The following MMAB variants were observed in gnomAD, a reference collection of about 807,000 sequenced individuals.
MMAB encodes metabolism of cobalamin associated B.
In MMAB, 17 loss-of-function variants were observed where a neutral mutation model predicts 30.6. The ratio of observed to expected loss-of-function variants is 0.56; its 90% CI spans 0.38 to 0.83. The LOEUF (loss-of-function observed/expected upper bound fraction) is 0.83, where lower values mean the gene tolerates loss of function less well. Among genes scored for constraint, MMAB ranks in the 40% least tolerant of loss-of-function variants. The probability of loss-of-function intolerance (pLI) is 0.00; values close to 1 mark genes in which losing one functional copy is unlikely to be tolerated. For synonymous variants in MMAB, 134 were observed against 138.6 expected (o/e 0.97, Z 0.23); for missense variants, 311 against 331.6 (o/e 0.94, Z 0.48).
In MMAB at chr12:109,571,519, C is replaced by T. The variant is rs569278270; in HGVS notation, c.196+130G>A. 2,829 of 821,086 alleles carry T rather than the reference C, an allele frequency of 3.4e-3. 10 individuals are homozygous for T. Among genetic ancestry groups the T allele is most frequent in the Non-Finnish European group, 5.0e-3 (2,453 of 491,004 alleles). 50.9% of individuals were successfully genotyped at this position (821,086 alleles called of 1,614,324 possible). Reference sequence around the variant, plus strand: ...AGCCCAACAGGGCCTCCCAAAGTGCCGGGATTACAGGCATGAGCCACCGCG... The same window carrying T: ...AGCCCAACAGGGCCTCCCAAAGTGCTGGGATTACAGGCATGAGCCACCGCG... On this transcript the variant is annotated intron_variant, in intron 2 of 8. Transcript: ENST00000545712.
Position 109,555,153 on chromosome 12 carries a change from T to TTATATA in MMAB, c.*1869_*1874dup, listed in dbSNP as rs10623308. On this transcript the variant is annotated 3_prime_UTR_variant, in exon 9 of 9. Transcript: ENST00000545712. ...AGGCATGCAGGGCTGCTGTGTTATTTTATATATATATATATATTCCAGGAA... is the reference window on the plus strand; with the variant it reads ...AGGCATGCAGGGCTGCTGTGTTATTTTATATATATATATATATATATATTCCAGGAA... 1.1e-5 allele frequency: 5 copies of TTATATA among 442,268 alleles called. No individual in the cohort carries two copies. The highest frequency in any genetic ancestry group is 7.1e-5 in the East Asian group (1 of 14,184). 27.4% of individuals were successfully genotyped at this position (442,268 alleles called of 1,614,324 possible).
chr12:109,554,854 T>C lies in MMAB; in HGVS notation c.*2174A>G. The C allele has an allele frequency of 2.2e-6, 1 of 453,948 alleles. No homozygotes were observed. The highest frequency in any genetic ancestry group is 1.6e-5 in the South Asian group (1 of 64,470). The allele number at this position is 453,948 out of a possible 1,614,324, so 28.1% of individuals were successfully genotyped here. ...GCAAGCTTTCTCCATTTTTCCCAGG[T>C]TGGTAGCACAGGAGAGAAACACCTG... On this transcript the variant is annotated 3_prime_UTR_variant, in exon 9 of 9. Transcript: ENST00000545712.
intron 8 of MMAB, among the ~76,000 whole-genome samples, chr12:109,557,760 TAGTAATGCCTC>T (rs1223165116): frequency 2.0e-5 from 3 of 152,192 alleles, no homozygotes; most frequent in African/African-American, 7.2e-5. Context: ...GTGTGACAAC[TAGTAATGCCTC>T]CAAACATCGC....
At position 109,556,716 on chromosome 12, in the gene MMAB, A is replaced by G. The variant is rs1384402056; in HGVS notation, c.*312T>C. 1 of 495,922 alleles carries G rather than the reference A, an allele frequency of 2.0e-6. No individual in the cohort carries two copies. 30.7% of individuals were successfully genotyped at this position (495,922 alleles called of 1,614,324 possible). On this transcript the variant is annotated 3_prime_UTR_variant, in exon 9 of 9. Transcript: ENST00000545712. Reference sequence around the variant, plus strand: ...CACGGCTCCAGCCTTTCCAACTTTTATTCCTTTTCCGCACAGCTCCTTCTC... The same window carrying G: ...CACGGCTCCAGCCTTTCCAACTTTTGTTCCTTTTCCGCACAGCTCCTTCTC...
At position 109,556,648 on chromosome 12, in the gene MMAB, TCACACACACACACACACACACA is replaced by T. The variant is rs67024670; in HGVS notation, c.*358_*379del. The T allele has an allele frequency of 1.5e-5, 5 of 328,308 alleles. No individual in the cohort carries two copies. Among genetic ancestry groups the T allele is most frequent in the Admixed American group, 3.1e-5 (1 of 32,092 alleles). 20.3% of individuals were successfully genotyped at this position (328,308 alleles called of 1,614,324 possible). Reference sequence around the variant, plus strand: ...GAGCTGGCAGTGGGAGGGCTCTCTCTCACACACACACACACACACACACACACACACACACACACACACACGG... The same window carrying T: ...GAGCTGGCAGTGGGAGGGCTCTCTCTCACACACACACACACACACACACGG... On this transcript the variant is annotated 3_prime_UTR_variant, in exon 9 of 9. Transcript: ENST00000545712.
intron 7 of MMAB, 68 bp downstream of exon 7, chr12:109,560,972 T>TTCC: frequency 1.1e-5 from 5 of 464,384 alleles, no homozygotes; most frequent in African/African-American, 2.5e-5. Flanking sequence ...CCTCTCCCTC[T>TTCC]CCCTCCCCCC....
At chr12:109,568,033 G>C (rs1884496710) in intron 3 of MMAB, 1 of 152,304 alleles carries the variant, frequency 6.6e-6, no homozygotes, top group South Asian at 2.1e-4. Context: ...CATCATGGTG[G>C]GGTAGTGGGA....
Position 109,555,561 on chromosome 12 carries a change from G to A in MMAB, c.*1467C>T, listed in dbSNP as rs1061440. ...TGCCTGCCTCGGCCTCCCAAAGTCC[G>A]TTTTCAGCTCTGTTTTGCAAACACT... On this transcript the variant is annotated 3_prime_UTR_variant, in exon 9 of 9. Coordinates refer to ENST00000545712, the MANE Select transcript of MMAB (RefSeq NM_052845.4). 24,792 of 447,088 alleles carry A rather than the reference G, an allele frequency of 0.055. 2,620 individuals carry two copies. Among genetic ancestry groups the A allele is most frequent in the African/African-American group, 0.3 (14,629 of 48,704 alleles). The allele number at this position is 447,088 out of a possible 1,614,324, so 27.7% of individuals were successfully genotyped here.
Position 109,561,068 on chromosome 12 carries a change from G to T in MMAB, c.556C>A (p.Arg186=). ...CTCTCGGCCCGGCGGCACACGGCCCGGCAGAAATGCAGCGCCGAGCTGATC... is the reference window on the plus strand; with the variant it reads ...CTCTCGGCCCGGCGGCACACGGCCCTGCAGAAATGCAGCGCCGAGCTGATC... ...GKISSALHFC[R]AVCRRAERRV... The change falls in exon 7 of 9, where the codon CGG becomes AGG. Residue 186 remains arginine (R), a synonymous_variant. Transcript: ENST00000545712. The surrounding 1 kb of genome is among the most constrained non-coding windows in gnomAD (Gnocchi z 5.3). The T allele has an allele frequency of 6.6e-7, 1 of 1,525,840 alleles. No homozygotes were observed. The allele number at this position is 1,525,840 out of a possible 1,614,324, so 94.5% of individuals were successfully genotyped here. A position where few individuals can be genotyped will look rare whatever the true frequency, so the allele number is the denominator to read the frequency against.
intron 3 of MMAB, 80 bp downstream of exon 3, chr12:109,568,690 A>G (rs1178633775): frequency 1.8e-6 from 2 of 1,104,686 alleles, no homozygotes; most frequent in East Asian, 4.7e-5. Flanking sequence ...GCTGCCCAGC[A>G]TGCGTGAGAG....
intron 3 of MMAB, chr12:109,567,126 C>T (rs1489153629): frequency 2.2e-6 from 1 of 447,420 alleles, no homozygotes; most frequent in East Asian, 7.1e-5. Flanking sequence ...GCCGAGATCA[C>T]ACCATTGCAC....
intron 3 of MMAB, chr12:109,568,414 C>A (rs1396787423): frequency 5.8e-6 from 2 of 345,880 alleles, no homozygotes. Context: ...AAACAACAGT[C>A]ACAAAAGGGA....
rs1592995279 is a variant in MMAB, at chr12:109,558,128, C to T, written c.644+968G>A. Among the ~76,000 whole-genome samples the T allele has an allele frequency of 6.6e-6, 1 of 152,176 alleles. No individual in the cohort carries two copies. Among genetic ancestry groups the T allele is most frequent in the Non-Finnish European group, 1.5e-5 (1 of 68,028 alleles). ...GGCCCCCTGGGCCCCACGGCTGGCTCTCAGGAAGAGCGAAGGGGAGGTTGT... is the reference window on the plus strand; with the variant it reads ...GGCCCCCTGGGCCCCACGGCTGGCTTTCAGGAAGAGCGAAGGGGAGGTTGT... On this transcript the variant is annotated intron_variant, in intron 8 of 8. Transcript: ENST00000545712. This position sits in a 1 kb window ranked among gnomAD's most constrained non-coding sequence, Gnocchi z 4.3.
rs558903675 is a variant in MMAB, at chr12:109,569,720, G to A, written c.197-857C>T. ...CCGGCCTGGCACTCACAGGTAGACT[G>A]TGGTGTTCTGCTGAACACAAACCAT... On this transcript the variant is annotated intron_variant, in intron 2 of 8. Transcript: ENST00000545712. This position sits in a 1 kb window ranked among gnomAD's most constrained non-coding sequence, Gnocchi z 4.1. 2.1e-4 allele frequency among the ~76,000 whole-genome samples: 32 copies of A among 152,304 alleles called. No individual in the cohort carries two copies. The highest frequency in any genetic ancestry group is 5.2e-4 in the Admixed American group (8 of 15,296).
intron 2 of MMAB, chr12:109,570,110 A>G: frequency 3.0e-6 from 1 of 331,332 alleles, no homozygotes; most frequent in Non-Finnish European, 6.1e-6. Flanking sequence ...AAAAACAGAA[A>G]AAATTAGTTG....
In MMAB at chr12:109,555,153, T is replaced by A. The variant is rs1252147207; in HGVS notation, c.*1875A>T. 7 of 442,272 alleles carry A rather than the reference T, an allele frequency of 1.6e-5. No individual in the cohort carries two copies. The highest frequency in any genetic ancestry group is 4.8e-5 in the Admixed American group (2 of 41,736). 27.4% of individuals were successfully genotyped at this position (442,272 alleles called of 1,614,324 possible). A position where few individuals can be genotyped will look rare whatever the true frequency, so the allele number is the denominator to read the frequency against. On this transcript the variant is annotated 3_prime_UTR_variant, in exon 9 of 9. Transcript: ENST00000545712. Reference sequence around the variant, plus strand: ...AGGCATGCAGGGCTGCTGTGTTATTTTATATATATATATATATTCCAGGAA... The same window carrying A: ...AGGCATGCAGGGCTGCTGTGTTATTATATATATATATATATATTCCAGGAA...
chr12:109,561,637 A>G lies in MMAB; in HGVS notation c.422-120T>C. 3 of 1,215,792 alleles carry G rather than the reference A, an allele frequency of 2.5e-6. No individual in the cohort carries two copies. Among genetic ancestry groups the G allele is most frequent in the Non-Finnish European group, 2.4e-6 (2 of 849,576 alleles). The allele number at this position is 1,215,792 out of a possible 1,614,324, so 75.3% of individuals were successfully genotyped here. On this transcript the variant is annotated intron_variant, in intron 5 of 8. Transcript: ENST00000545712. The surrounding 1 kb of genome is among the most constrained non-coding windows in gnomAD (Gnocchi z 5.3). ...CGCAGACTGCTTCCACTGGCTCAGA[A>G]GGTACCTTCCCTCCCAGGAGCTACG...
In MMAB at chr12:109,558,398, C is replaced by T. The variant is rs932498020; in HGVS notation, c.644+698G>A. Among the ~76,000 whole-genome samples, 2 of 152,142 alleles carry T rather than the reference C, an allele frequency of 1.3e-5. No homozygotes were observed. Among genetic ancestry groups the T allele is most frequent in the African/African-American group, 2.4e-5 (1 of 41,440 alleles). ...GCCATGTCTCTGGGAGGAGTGGCCACAGTCAAGGGCCTGAGGTCACTTTCT... is the reference window on the plus strand; with the variant it reads ...GCCATGTCTCTGGGAGGAGTGGCCATAGTCAAGGGCCTGAGGTCACTTTCT... On this transcript the variant is annotated intron_variant, in intron 8 of 8. Coordinates refer to ENST00000545712, the MANE Select transcript of MMAB (RefSeq NM_052845.4). The surrounding 1 kb of genome is among the most constrained non-coding windows in gnomAD (Gnocchi z 4.3).
rs763211847 is a variant in MMAB, at chr12:109,554,147, T to C, written c.*2881A>G. On this transcript the variant is annotated 3_prime_UTR_variant, in exon 9 of 9. Coordinates refer to ENST00000545712, the MANE Select transcript of MMAB (RefSeq NM_052845.4). Reference sequence around the variant, plus strand: ...TGAGTGACGAGGCCGCGTCCGGGGCTCACATCTTGGCACTGACTCCCCAGG... The same window carrying C: ...TGAGTGACGAGGCCGCGTCCGGGGCCCACATCTTGGCACTGACTCCCCAGG... The C allele has an allele frequency of 4.4e-6, 2 of 453,856 alleles. No homozygotes were observed. The highest frequency in any genetic ancestry group is 4.4e-6 in the Non-Finnish European group (1 of 226,600). The allele number at this position is 453,856 out of a possible 1,614,324, so 28.1% of individuals were successfully genotyped here.
Sources: gnomAD v4.1 joint callset for allele counts (sites outside exome capture counted in the v4.1 genomes callset) on GRCh38, gnomAD v4.1.1 for gene constraint, Gnocchi (gnomAD v3.1) non-coding constraint, MANE v1.5 for transcripts, NCBI Gene and HGNC (gene_info 2026-07-23, HGNC 2026-07-21) for gene names.